TACR1: variants seen among roughly 807,000 people sequenced by gnomAD.
TACR1 encodes the protein substance-P receptor.
In TACR1, 25 loss-of-function variants were observed where a neutral mutation model predicts 35.8. The observed-to-expected ratio is 0.70, with a 90% confidence interval of 0.51 to 0.98. TACR1 has a LOEUF of 0.98. Among genes scored for constraint, TACR1 ranks in the 50% least tolerant of loss-of-function variants. The pLI, the probability that TACR1 is intolerant of heterozygous loss-of-function variation, is 0.00. For missense variants in TACR1, 478 were observed against 522.9 expected (o/e 0.91, Z 0.84); for synonymous variants, 195 against 206.7 (o/e 0.94, Z 0.48).
Position 75,198,954 on chromosome 2 carries a change from GC to G in TACR1, c.-21del. On this transcript the variant is annotated 5_prime_UTR_variant, in exon 1 of 5. Coordinates refer to ENST00000305249, the MANE Select transcript of TACR1 (RefSeq NM_001058.4). ...ATCCATTTCGAAGCTAGGCGGTAAA[GC>G]CCTACTATCTGTACACAACCCCCCT... 1 of 1,609,728 alleles carries G rather than the reference GC, an allele frequency of 6.2e-7. No individual in the cohort carries two copies. The highest frequency in any genetic ancestry group is 2.2e-5 in the East Asian group (1 of 44,856).
chr2:75,143,052 A>G (rs1674440842), intron 1 of TACR1, among the ~76,000 whole-genome samples: 1 of 152,128 alleles, frequency 6.6e-6, no homozygotes, highest in Non-Finnish European at 1.5e-5. Flanking sequence ...TCAGAATTAC[A>G]GACAAGCAAG....
chr2:75,104,729 G>A (rs1319648156), intron 2 of TACR1, among the ~76,000 whole-genome samples: 2 of 151,946 alleles, frequency 1.3e-5, no homozygotes, highest in African/African-American at 4.8e-5. Flanking sequence ...ATCAATAACA[G>A]GAGGAAAAAT....
chr2:75,066,057 T>G (rs1573462913), intron 2 of TACR1, among the ~76,000 whole-genome samples: 1 of 152,318 alleles, frequency 6.6e-6, no homozygotes, highest in East Asian at 1.9e-4. Flanking sequence ...AACCTTTTCT[T>G]CTGAGGAAAT....
At chr2:75,086,256 T>C (rs951816041) in intron 2 of TACR1, among the ~76,000 whole-genome samples, 1 of 152,242 alleles carries the variant, frequency 6.6e-6, no homozygotes, top group Non-Finnish European at 1.5e-5. Context: ...AGGCTATGCA[T>C]GTCAAGTCTA....
chr2:75,126,446 C>T (rs1674073671), intron 1 of TACR1, among the ~76,000 whole-genome samples: 2 of 152,046 alleles, frequency 1.3e-5, no homozygotes, highest in Admixed American at 1.3e-4. Context: ...TGGGTATATA[C>T]CCAGTAATGG....
At chr2:75,100,358 T>C (rs897374296) in intron 2 of TACR1, among the ~76,000 whole-genome samples, 1 of 152,226 alleles carries the variant, frequency 6.6e-6, no homozygotes, top group African/African-American at 2.4e-5. Flanking sequence ...TAAATTTAGT[T>C]TCTTTGGCAT....
intron 2 of TACR1, among the ~76,000 whole-genome samples, chr2:75,097,105 G>C (rs1279758889): frequency 1.3e-5 from 2 of 152,212 alleles, no homozygotes; most frequent in Admixed American, 6.5e-5. Context: ...ACTTCTGAGA[G>C]ACTAGCCCAA....
intron 1 of TACR1, among the ~76,000 whole-genome samples, chr2:75,178,972 T>A (rs1008504026): frequency 3.9e-5 from 6 of 152,174 alleles, no homozygotes; most frequent in Admixed American, 1.3e-4. Context: ...ATGGTTTTAG[T>A]TATATGTCAA....
chr2:75,144,568 A>C (rs1674467877), intron 1 of TACR1, among the ~76,000 whole-genome samples: 1 of 152,198 alleles, frequency 6.6e-6, no homozygotes, highest in East Asian at 1.9e-4. Flanking sequence ...CAGTTTGAAG[A>C]AACTCATCCG....
chr2:75,058,943 T>C (rs1023956912), intron 2 of TACR1, among the ~76,000 whole-genome samples: 4 of 152,216 alleles, frequency 2.6e-5, no homozygotes, highest in African/African-American at 9.6e-5. Flanking sequence ...ACTAGGTGTC[T>C]TCATAATGTA....
chr2:75,053,968 T>A (rs1021850276), intron 2 of TACR1, among the ~76,000 whole-genome samples: 1 of 152,190 alleles, frequency 6.6e-6, no homozygotes, highest in Non-Finnish European at 1.5e-5. Context: ...AAACAATTTA[T>A]GTTTTTCTTG....
intron 1 of TACR1, among the ~76,000 whole-genome samples, chr2:75,137,254 A>G (rs1029510397): frequency 6.6e-6 from 1 of 152,208 alleles, no homozygotes; most frequent in Non-Finnish European, 1.5e-5. Flanking sequence ...TTAAAAGGCC[A>G]TATTTTCTAA....
At chr2:75,158,233 A>T (rs1032635594) in intron 1 of TACR1, among the ~76,000 whole-genome samples, 6 of 152,216 alleles carry the variant, frequency 3.9e-5, no homozygotes, top group Non-Finnish European at 8.8e-5. Flanking sequence ...CATTTATCGG[A>T]AAAGCATTAC....
intron 2 of TACR1, among the ~76,000 whole-genome samples, chr2:75,058,684 C>A (rs1672616910): frequency 6.6e-6 from 1 of 152,190 alleles, no homozygotes; most frequent in Non-Finnish European, 1.5e-5. Flanking sequence ...CAACTTCATG[C>A]CTTTGTTCAT....
chr2:75,094,381 G>A (rs1410047626), intron 2 of TACR1, among the ~76,000 whole-genome samples: 3 of 152,102 alleles, frequency 2.0e-5, no homozygotes, highest in Non-Finnish European at 4.4e-5. Context: ...TTTTCCAGGC[G>A]CCATGAAATT....
chr2:75,136,266 G>C (rs1674287788), intron 1 of TACR1, among the ~76,000 whole-genome samples: 1 of 152,156 alleles, frequency 6.6e-6, no homozygotes, highest in South Asian at 2.1e-4. Flanking sequence ...ACAGGAGTAA[G>C]AAGTCCAAGG....
At chr2:75,116,701 G>C (rs1458860034) in intron 2 of TACR1, among the ~76,000 whole-genome samples, 1 of 152,102 alleles carries the variant, frequency 6.6e-6, no homozygotes, top group Non-Finnish European at 1.5e-5. Flanking sequence ...CTGAGGTCAG[G>C]AGTTCAAGAC....
At chr2:75,108,717 G>T (rs1271063422) in intron 2 of TACR1, among the ~76,000 whole-genome samples, 1 of 150,438 alleles carries the variant, frequency 6.6e-6, no homozygotes, top group African/African-American at 2.5e-5. Context: ...TGATATGATT[G>T]TATTCCTAGA....
In TACR1 at chr2:75,051,417, T is replaced by G. The variant is rs1573455687; in HGVS notation, c.766A>C (p.Thr256Pro). Residue 256 changes from threonine (T) to proline (P), a missense_variant, in exon 4 of 5, where the codon ACC becomes CCC. Transcript: ENST00000305249. ...VVKMMIVVVC[T>P]FAICWLPFHI... ...AAGGGCAGCCAGCAGATGGCGAAGG[T>G]GCACACCACGACAATCATCATTTTG... is the stretch of plus-strand genomic sequence containing the variant. 6.2e-7 allele frequency: 1 copy of G among 1,614,058 alleles called. No individual in the cohort carries two copies. Among genetic ancestry groups the G allele is most frequent in the Non-Finnish European group, 8.5e-7 (1 of 1,179,994 alleles).
Sources: gnomAD v4.1 joint callset for allele counts (sites outside exome capture counted in the v4.1 genomes callset) on GRCh38, gnomAD v4.1.1 for gene constraint, MANE v1.5 for transcripts, NCBI Gene and HGNC (gene_info 2026-07-23, HGNC 2026-07-21) for gene names.